The following FGFR2 variants were observed in gnomAD, a reference collection of about 807,000 sequenced individuals.
FGFR2 encodes the protein BEK fibroblast growth factor receptor.
Under a neutral mutation model 95.9 loss-of-function variants are expected in FGFR2, and 19 were observed. The ratio of observed to expected loss-of-function variants is 0.20; its 90% CI spans 0.14 to 0.29. The LOEUF is 0.29. Among genes scored for constraint, FGFR2 ranks in the 10% least tolerant of loss-of-function variants. FGFR2 has a pLI of 1.00. For missense variants in FGFR2, 707 were observed against 1,056.9 expected, an observed-to-expected ratio of 0.67 and a Z score of 4.59; for synonymous variants, 392 against 393.3, an observed-to-expected ratio of 1.00 and a Z score of 0.04.
intron 6 of FGFR2, among the ~76,000 whole-genome samples, chr10:121,530,055 T>C (rs1357462269): frequency 1.3e-5 from 2 of 152,138 alleles, no homozygotes; most frequent in South Asian, 4.1e-4. Flanking sequence ...TGGCCATCTA[T>C]TTCCCACAGA....
At chr10:121,498,164 T>G (rs1724477914) in intron 12 of FGFR2, among the ~76,000 whole-genome samples, 2 of 152,226 alleles carry the variant, frequency 1.3e-5, no homozygotes, top group Non-Finnish European at 2.9e-5. Context: ...GATCTTATTC[T>G]GACAAATCTC....
At chr10:121,490,154 C>CTT (rs55633189) in intron 13 of FGFR2, among the ~76,000 whole-genome samples, 13 of 79,988 alleles carry the variant, frequency 1.6e-4, no homozygotes, top group African/African-American at 3.1e-4. Flanking sequence ...ACTTTTCCTT[C>CTT]TTTTTTTTTT....
At chr10:121,555,139 G>A (rs1431626305) in intron 4 of FGFR2, among the ~76,000 whole-genome samples, 5 of 152,166 alleles carry the variant, frequency 3.3e-5, no homozygotes, top group East Asian at 1.9e-4. Context: ...TTGGGAGGCC[G>A]AGGTGGGCGG....
intron 2 of FGFR2, among the ~76,000 whole-genome samples, chr10:121,567,394 A>G (rs1857838774): frequency 6.6e-6 from 1 of 152,202 alleles, no homozygotes; most frequent in Non-Finnish European, 1.5e-5. Flanking sequence ...GGACAAATGC[A>G]CCCCAAAGCA....
chr10:121,578,626 T>A (rs1417740084), intron 2 of FGFR2, among the ~76,000 whole-genome samples: 1 of 152,238 alleles, frequency 6.6e-6, no homozygotes, highest in Non-Finnish European at 1.5e-5. Context: ...AGATGCTGGG[T>A]CAGCTGGGCG....
chr10:121,487,700 C>A (rs190935300), intron 14 of FGFR2, among the ~76,000 whole-genome samples: 4 of 152,330 alleles, frequency 2.6e-5, no homozygotes, highest in Admixed American at 2.0e-4. Context: ...AAACCAGTAA[C>A]TTCCAAGCTG....
Position 121,564,563 on chromosome 10 carries a change from T to C in FGFR2, c.393A>G (p.Gly131=), listed in dbSNP as rs756641429. The change falls in exon 4 of 18, where the codon GGA becomes GGG. Residue 131 remains glycine, a synonymous_variant. Coordinates refer to ENST00000358487, the MANE Select transcript of FGFR2 (RefSeq NM_000141.5). ...CACCATCGGTGTCATCCTCATCATC[T>C]CCGGATGAGATGGCATCTGTATGCA... ...MVNVTDAISS[G]DDEDDTDGAE... is the part of the protein sequence containing the mutation. 1 of 1,613,624 alleles carries C rather than the reference T, an allele frequency of 6.2e-7. No homozygotes were observed. Among genetic ancestry groups the C allele is most frequent in the Non-Finnish European group, 8.5e-7 (1 of 1,179,670 alleles).
At chr10:121,594,125 G>C (rs1336115574) in intron 1 of FGFR2, 158 bp from the exon 2 acceptor site, 1 of 515,560 alleles carries the variant, frequency 1.9e-6, no homozygotes, top group Non-Finnish European at 3.5e-6. Flanking sequence ...AGAGTCCCAG[G>C]TGATACCACC....
At chr10:121,483,061 T>C (rs905546420) in intron 17 of FGFR2, among the ~76,000 whole-genome samples, 3 of 152,318 alleles carry the variant, frequency 2.0e-5, no homozygotes, top group East Asian at 3.9e-4. Context: ...CTTCCCAAAA[T>C]GCTGGGATTA....
chr10:121,542,697 C>T (rs1853937318), intron 5 of FGFR2, among the ~76,000 whole-genome samples: 1 of 152,074 alleles, frequency 6.6e-6, no homozygotes, highest in Admixed American at 6.6e-5. Flanking sequence ...GCCTAAACTC[C>T]CAAGTATAAT....
chr10:121,541,965 C>G (rs923132013), intron 5 of FGFR2, among the ~76,000 whole-genome samples: 15 of 152,290 alleles, frequency 9.8e-5, no homozygotes, highest in Non-Finnish European at 1.6e-4. Flanking sequence ...AACAAAACTG[C>G]TGCTTCAAGC....
At chr10:121,552,058 CTTT>C (rs1218701012) in intron 4 of FGFR2, among the ~76,000 whole-genome samples, 1 of 151,720 alleles carries the variant, frequency 6.6e-6, no homozygotes, top group African/African-American at 2.4e-5. Flanking sequence ...TACATACTAA[CTTT>C]TTTAATTAAA....
chr10:121,487,492 G>C, intron 14 of FGFR2, 68 bp from the exon 15 acceptor site: 1 of 1,288,498 alleles, frequency 7.8e-7, no homozygotes, highest in Non-Finnish European at 1.1e-6. Flanking sequence ...AGGCTCAATA[G>C]GGCTATGCCC....
Position 121,509,023 on chromosome 10 carries a change from G to A in FGFR2, c.1288-5082C>T, listed in dbSNP as rs116298483. On this transcript the variant is annotated intron_variant, in intron 9 of 17. Coordinates refer to ENST00000358487, the MANE Select transcript of FGFR2 (RefSeq NM_000141.5). Reference sequence around the variant, plus strand: ...ACTGGGCATCTTTCCTCTGAATCAGGAACCTCAAATAACTCCCACTGCTCA... The same window carrying A: ...ACTGGGCATCTTTCCTCTGAATCAGAAACCTCAAATAACTCCCACTGCTCA... 6.2e-3 allele frequency among the ~76,000 whole-genome samples: 939 copies of A among 152,300 alleles called. 5 individuals carry two copies. Among genetic ancestry groups the A allele is most frequent in the African/African-American group, 0.022 (905 of 41,558 alleles).
chr10:121,546,500 T>C (rs1382469884), intron 5 of FGFR2, among the ~76,000 whole-genome samples: 1 of 152,234 alleles, frequency 6.6e-6, no homozygotes, highest in Non-Finnish European at 1.5e-5. Flanking sequence ...AAAATAATAA[T>C]TTGATTCTTA....
At chr10:121,497,888 A>C (rs2912753) in intron 12 of FGFR2, among the ~76,000 whole-genome samples, 136,048 of 152,252 alleles carry the variant, frequency 0.89, 61,356 homozygotes, top group East Asian at 1. Context: ...TTCACCAATT[A>C]CTATATAGAC....
At chr10:121,507,407 G>A (rs2134116744) in intron 9 of FGFR2, among the ~76,000 whole-genome samples, 2 of 152,292 alleles carry the variant, frequency 1.3e-5, no homozygotes, top group African/African-American at 4.8e-5. Flanking sequence ...GACCAACATG[G>A]TGAAACCCTG....
rs761776466 is a variant in FGFR2, at chr10:121,593,924, C to A, written c.-107G>T. ...GACTACGCGCAATGCCTTCAGCCTG[C>A]GGTGGGCTCAGGAACCGAGGCGCTG... On this transcript the variant is annotated 5_prime_UTR_variant, in exon 2 of 18. Transcript: ENST00000358487. 2 of 1,061,470 alleles carry A rather than the reference C, an allele frequency of 1.9e-6. No homozygotes were observed. The highest frequency in any genetic ancestry group is 1.3e-5 in the South Asian group (1 of 77,598). 65.8% of individuals were successfully genotyped at this position (1,061,470 alleles called of 1,614,324 possible). A position where few individuals can be genotyped will look rare whatever the true frequency, so the allele number is the denominator to read the frequency against.
At position 121,485,387 on chromosome 10, in the gene FGFR2, G is replaced by T; in HGVS notation, c.2195+8C>A. Reference sequence around the variant, plus strand: ...TGGGGCACCGGCAGGAAAGACAACAGCCCTTACAGTTCGTTGGTGCAGTTG... The same window carrying T: ...TGGGGCACCGGCAGGAAAGACAACATCCCTTACAGTTCGTTGGTGCAGTTG... On this transcript the variant is annotated splice_region_variant and intron_variant, in intron 16 of 17. Transcript: ENST00000358487. The surrounding 1 kb of genome is among the most constrained non-coding windows in gnomAD (Gnocchi z 4.2). 1.9e-6 allele frequency: 3 copies of T among 1,614,034 alleles called. No homozygotes were observed. The highest frequency in any genetic ancestry group is 2.5e-6 in the Non-Finnish European group (3 of 1,179,978).
Sources: gnomAD v4.1 joint callset for allele counts (sites outside exome capture counted in the v4.1 genomes callset) on GRCh38, gnomAD v4.1.1 for gene constraint, Gnocchi (gnomAD v3.1) non-coding constraint, MANE v1.5 for transcripts, NCBI Gene and HGNC (gene_info 2026-07-23, HGNC 2026-07-21) for gene names.